ADGRL2: variants seen among roughly 807,000 people sequenced by gnomAD.
ADGRL2 encodes the protein adhesion G protein-coupled receptor L2.
A neutral mutation model predicts 157.4 loss-of-function variants in ADGRL2; 44 were observed. The observed-to-expected ratio is 0.28, with a 90% confidence interval of 0.22 to 0.36. The LOEUF (loss-of-function observed/expected upper bound fraction) is 0.36. ADGRL2 is among the 10% of genes least tolerant of loss of function. The pLI is 1.00. For synonymous variants in ADGRL2, 585 were observed against 624.7 expected, an observed-to-expected ratio of 0.94 and a Z score of 0.95; for missense variants, 1,510 against 1,768.9, an observed-to-expected ratio of 0.85 and a Z score of 2.63.
At chr1:81,858,454 A>G (rs2093279526) in intron 2 of ADGRL2, among the ~76,000 whole-genome samples, 1 of 152,198 alleles carries the variant, frequency 6.6e-6, no homozygotes, top group African/African-American at 2.4e-5. Flanking sequence ...AGGACAATGA[A>G]TATCATTTTA....
At chr1:81,635,196 A>T (rs1206444737) in intron 3 of ADGRL2, among the ~76,000 whole-genome samples, 6 of 151,820 alleles carry the variant, frequency 4.0e-5, no homozygotes, top group African/African-American at 1.5e-4. Flanking sequence ...CTTATAACAT[A>T]CCCTTTATTG....
intron 2 of ADGRL2, among the ~76,000 whole-genome samples, chr1:81,896,198 A>G (rs999651578): frequency 6.6e-6 from 1 of 152,220 alleles, no homozygotes; most frequent in Non-Finnish European, 1.5e-5. Context: ...CAGTGAATAC[A>G]TTATACAGAG....
At chr1:81,467,649 ATC>A (rs2078087353) in intron 2 of ADGRL2, among the ~76,000 whole-genome samples, 2 of 152,084 alleles carry the variant, frequency 1.3e-5, no homozygotes, top group Admixed American at 6.6e-5. Flanking sequence ...TCCATGACCA[ATC>A]AGTATTATTT....
chr1:81,682,212 G>A (rs1166514196), intron 3 of ADGRL2, among the ~76,000 whole-genome samples: 1 of 151,560 alleles, frequency 6.6e-6, no homozygotes, highest in African/African-American at 2.4e-5. Flanking sequence ...GAGATGAGGG[G>A]TCAGAAAAGA....
At chr1:81,817,558 C>G (rs1199667221) in intron 1 of ADGRL2, among the ~76,000 whole-genome samples, 1 of 151,898 alleles carries the variant, frequency 6.6e-6, no homozygotes, top group Non-Finnish European at 1.5e-5. Flanking sequence ...AAATATAGTA[C>G]AAATATCTAA....
chr1:81,431,544 T>C (rs1470940681), intron 1 of ADGRL2, among the ~76,000 whole-genome samples: 1 of 152,216 alleles, frequency 6.6e-6, no homozygotes, highest in Admixed American at 6.5e-5. Context: ...AGCCCTGTGA[T>C]CACTTTCAGG....
chr1:81,565,887 T>C (rs17106696), intron 2 of ADGRL2, among the ~76,000 whole-genome samples: 6,709 of 152,270 alleles, frequency 0.044, 199 homozygotes, highest in African/African-American at 0.071. Context: ...TAGAAGTAGA[T>C]GACTCAAACT....
rs189816851 is a variant in ADGRL2, at chr1:81,748,342, G to A, written c.-142-13469G>A. Among the ~76,000 whole-genome samples the A allele has an allele frequency of 1.2e-3, 178 of 151,570 alleles. 2 individuals carry two copies. The highest frequency in any genetic ancestry group is 3.9e-3 in the African/African-American group (160 of 41,392). ...AAATACAAAAATTAGCTGGGCACGCGCCTATAATCCCAGCTACTCGGGAGG... is the reference window on the plus strand; with the variant it reads ...AAATACAAAAATTAGCTGGGCACGCACCTATAATCCCAGCTACTCGGGAGG... On this transcript the variant is annotated intron_variant, in intron 1 of 20. Coordinates refer to the ADGRL2 transcript ENST00000359929.
chr1:81,436,234 G>A (rs774658748), intron 1 of ADGRL2, among the ~76,000 whole-genome samples: 1 of 152,134 alleles, frequency 6.6e-6, no homozygotes, highest in Non-Finnish European at 1.5e-5. Context: ...GGCAGACACG[G>A]CTCGGTCCTC....
chr1:81,355,981 A>T (rs1207813400), intron 1 of ADGRL2, among the ~76,000 whole-genome samples: 1 of 152,116 alleles, frequency 6.6e-6, no homozygotes, highest in Non-Finnish European at 1.5e-5. Flanking sequence ...TCCTCCTGGT[A>T]TTATTTTTTT....
chr1:81,475,854 A>G (rs747813515), intron 2 of ADGRL2, among the ~76,000 whole-genome samples: 1 of 152,188 alleles, frequency 6.6e-6, no homozygotes, highest in Non-Finnish European at 1.5e-5. Context: ...TTGTGAGGCT[A>G]TTACAATCTG....
intron 10 of ADGRL2, among the ~76,000 whole-genome samples, chr1:81,955,259 C>T (rs1041805814): frequency 3.3e-5 from 5 of 151,862 alleles, no homozygotes; most frequent in African/African-American, 7.3e-5. Context: ...AAAGTATATG[C>T]TCAAGTGTTT....
In ADGRL2 at chr1:81,814,026, AAAG is replaced by A. The variant is rs2090139750; in HGVS notation, c.-101+12961_-101+12963del. Among the ~76,000 whole-genome samples, 4 of 151,840 alleles carry A rather than the reference AAAG, an allele frequency of 2.6e-5. No homozygotes were observed. In the South Asian group the frequency reaches 8.3e-4, roughly 31 times the overall value. ...AAATACTGAAATCTGAATCCATTGA[AAAG>A]AAATTGTACTGAAAAGTTAATCAAA... On this transcript the variant is annotated intron_variant, in intron 1 of 23. Coordinates refer to ENST00000686636, the MANE Select transcript of ADGRL2 (RefSeq NM_001366006.2).
chr1:81,325,302 G>A (rs67246293), intron 1 of ADGRL2, among the ~76,000 whole-genome samples: 5,342 of 152,204 alleles, frequency 0.035, 108 homozygotes, highest in African/African-American at 0.059. Context: ...TACCTCTTCT[G>A]GCAGAGTCAG....
chr1:81,898,447 CAT>C (rs1204631076), intron 2 of ADGRL2, among the ~76,000 whole-genome samples: 1 of 151,966 alleles, frequency 6.6e-6, no homozygotes, highest in Non-Finnish European at 1.5e-5. Flanking sequence ...AGGTTTGTAA[CAT>C]AATACAGACA....
intron 2 of ADGRL2, among the ~76,000 whole-genome samples, chr1:81,540,673 A>C (rs80082119): frequency 0.024 from 3,700 of 152,344 alleles, 76 homozygotes; most frequent in Non-Finnish European, 0.035. Flanking sequence ...AAAAAAATAA[A>C]AAATAAACAC....
Position 81,966,145 on chromosome 1 carries a change from A to G in ADGRL2, c.2105A>G (p.Gln702Arg). 3 of 1,614,156 alleles carry G rather than the reference A, an allele frequency of 1.9e-6. No homozygotes were observed. The Admixed American group carries it at 5.0e-5, about 27-fold the overall frequency. The change falls in exon 12 of 24, where the codon CAA becomes CGA. Residue 702 changes from glutamine (Q) to arginine (R), a missense_variant. By Grantham distance (43) the Gln-to-Arg change is conservative. Around this residue, in one of 4 missense-constraint regions of ADGRL2, gnomAD observed 497 missense variants for 627.2 expected, o/e 0.79. Transcript: ENST00000686636. ...LGIKGAGSSI[Q>R]LSANTVKQNS... is the part of the protein sequence containing the mutation. ...ATCAAAGGAGCAGGCAGCTCAATCC[A>G]ACTGTCCGCAAATACCGTCAAACAG...
chr1:81,804,913 A>C (rs2088880655), intron 1 of ADGRL2, among the ~76,000 whole-genome samples: 1 of 152,220 alleles, frequency 6.6e-6, no homozygotes, highest in Admixed American at 6.5e-5. Context: ...GTGCTAAATA[A>C]ATAGGGAAAA....
chr1:81,796,310 G>T (rs563065358), upstream of ADGRL2, among the ~76,000 whole-genome samples: 4 of 152,056 alleles, frequency 2.6e-5, no homozygotes, highest in African/African-American at 9.7e-5. Context: ...TTTAAACCAC[G>T]TACTGTTAAT....
Sources: gnomAD v4.1 joint callset for allele counts (sites outside exome capture counted in the v4.1 genomes callset) on GRCh38, gnomAD v4.1.1 for gene constraint, gnomAD v4.1.1 regional missense constraint, MANE v1.5 for transcripts, NCBI Gene and HGNC (gene_info 2026-07-23, HGNC 2026-07-21) for gene names.